The following CA10 variants were observed in gnomAD, a reference collection of about 807,000 sequenced individuals.
The protein encoded by CA10 is carbonic anhydrase-related protein 10.
In CA10, 14 loss-of-function variants were observed where a neutral mutation model predicts 44.2. That is an observed-to-expected ratio of 0.32 (90% confidence interval 0.21 to 0.50). The LOEUF (loss-of-function observed/expected upper bound fraction) is 0.50, where lower values mean the gene tolerates loss of function less well. CA10 is among the 20% of genes least tolerant of loss of function. The pLI, the probability that CA10 is intolerant of heterozygous loss-of-function variation, is 0.99. For missense variants in CA10, 350 were observed against 409.7 expected (o/e 0.85, Z 1.26); for synonymous variants, 159 against 141.6 (o/e 1.12, Z -0.87).
intron 4 of CA10, among the ~76,000 whole-genome samples, chr17:51,679,094 G>C (rs1194700337): frequency 6.6e-6 from 1 of 152,060 alleles, no homozygotes; most frequent in Non-Finnish European, 1.5e-5. Context: ...TGGGGGTGGG[G>C]GACATGGACA....
chr17:51,904,404 C>T (rs985530793), intron 3 of CA10, among the ~76,000 whole-genome samples: 2 of 152,046 alleles, frequency 1.3e-5, no homozygotes, highest in African/African-American at 4.8e-5. Context: ...AGGCCCAGCT[C>T]CTTGCCTCTT....
chr17:52,050,793 T>C (rs1468756425), intron 2 of CA10, among the ~76,000 whole-genome samples: 2 of 152,058 alleles, frequency 1.3e-5, no homozygotes, highest in South Asian at 2.1e-4. Context: ...GCCCCCCAAC[T>C]CTTATTTCCT....
At chr17:52,055,347 A>G (rs79369372) in intron 2 of CA10, among the ~76,000 whole-genome samples, 85 of 1,046 alleles carry the variant, frequency 0.081, 1 homozygote, top group Admixed American at 0.17. Context: ...CCTTCTGGTG[A>G]AAAAAAAAAA....
At chr17:51,812,926 C>T (rs1215923212) in intron 3 of CA10, among the ~76,000 whole-genome samples, 2 of 152,196 alleles carry the variant, frequency 1.3e-5, no homozygotes, top group Admixed American at 6.5e-5. Context: ...CCATTTTCAA[C>T]TAAGAGAACA....
chr17:51,978,491 G>A (rs1984538561), intron 2 of CA10, among the ~76,000 whole-genome samples: 1 of 151,418 alleles, frequency 6.6e-6, no homozygotes, highest in African/African-American at 2.4e-5. Context: ...GCTGCAACTA[G>A]ATATTCATAT....
At chr17:51,653,543 C>G in intron 5 of CA10, 98 bp downstream of exon 5, 2 of 749,658 alleles carry the variant, frequency 2.7e-6, no homozygotes, top group Non-Finnish European at 4.8e-6. Flanking sequence ...GCATGGATAG[C>G]ACCCCTTTTA....
intron 3 of CA10, among the ~76,000 whole-genome samples, chr17:51,928,604 G>A (rs169387): frequency 0.68 from 102,776 of 151,972 alleles, 35,111 homozygotes; most frequent in Non-Finnish European, 0.71. Flanking sequence ...CACAAAACAT[G>A]TAGTTACTAG....
chr17:52,004,051 C>A (rs751946268), intron 2 of CA10, among the ~76,000 whole-genome samples: 2 of 151,760 alleles, frequency 1.3e-5, no homozygotes, highest in African/African-American at 4.8e-5. Flanking sequence ...TACATTAATA[C>A]ATCAAAATAT....
chr17:52,058,041 T>C (rs1034983186), intron 2 of CA10, among the ~76,000 whole-genome samples: 2 of 152,238 alleles, frequency 1.3e-5, no homozygotes, highest in African/African-American at 4.8e-5. Context: ...GAGTACTTCA[T>C]ATTGGATGGC....
intron 3 of CA10, among the ~76,000 whole-genome samples, chr17:51,889,744 T>C (rs778152088): frequency 3.3e-5 from 5 of 152,170 alleles, no homozygotes; most frequent in Non-Finnish European, 7.3e-5. Context: ...GTAGCATCAC[T>C]TACCATTTAA....
intron 4 of CA10, among the ~76,000 whole-genome samples, chr17:51,687,515 C>T (rs1008470704): frequency 6.6e-6 from 1 of 152,070 alleles, no homozygotes; most frequent in African/African-American, 2.4e-5. Flanking sequence ...TGAATGAATT[C>T]TATCAATGAA....
intron 3 of CA10, among the ~76,000 whole-genome samples, chr17:51,914,631 T>C (rs1291960976): frequency 6.6e-6 from 1 of 152,164 alleles, no homozygotes; most frequent in African/African-American, 2.4e-5. Context: ...CCATCCCTCA[T>C]GCTCTCAAAA....
chr17:51,633,704 G>A, intron 7 of CA10, 54 bp from the exon 8 acceptor site: 10 of 1,576,020 alleles, frequency 6.3e-6, no homozygotes, highest in Non-Finnish European at 8.6e-6. Flanking sequence ...ATGCACTAGG[G>A]AAGAAATAAG....
At chr17:51,774,947 A>T (rs1290559492) in intron 3 of CA10, among the ~76,000 whole-genome samples, 1 of 151,900 alleles carries the variant, frequency 6.6e-6, no homozygotes, top group African/African-American at 2.4e-5. Context: ...AATTCACCTG[A>T]CCCTCCCAAC....
chr17:51,791,489 A>G lies in CA10; in HGVS notation c.280-43671T>C, dbSNP rs16950521. Reference sequence around the variant, plus strand: ...ATTCCCTGTGAATTCTCCCCTTGCAAGTGCTAGACTTGGTAACTGATTATA... The same window carrying G: ...ATTCCCTGTGAATTCTCCCCTTGCAGGTGCTAGACTTGGTAACTGATTATA... On this transcript the variant is annotated intron_variant, in intron 3 of 8. Coordinates refer to ENST00000451037, the MANE Select transcript of CA10 (RefSeq NM_020178.5). Among the ~76,000 whole-genome samples the G allele has an allele frequency of 8.2e-3, 1,250 of 152,296 alleles. 51 individuals are homozygous for G. The East Asian group carries it at 0.14, about 17-fold the overall frequency.
intron 2 of CA10, among the ~76,000 whole-genome samples, chr17:51,981,875 G>C (rs562785564): frequency 3.9e-5 from 6 of 152,066 alleles, no homozygotes; most frequent in African/African-American, 1.4e-4. Flanking sequence ...TCACTTAAAT[G>C]ATAAGAAGAA....
chr17:51,871,048 TAC>T (rs1355868114), intron 3 of CA10, among the ~76,000 whole-genome samples: 37 of 142,450 alleles, frequency 2.6e-4, no homozygotes, highest in African/African-American at 9.3e-4. Flanking sequence ...CTTCCCACTT[TAC>T]TTTTTTTTTT....
rs372081362 is a variant in CA10 at position 52,138,083 on chromosome 17, G to C, written c.61+19643C>G. On this transcript the variant is annotated intron_variant, in intron 1 of 8. Transcript: ENST00000451037. ...ATGAATCTTAAGGGGCTAAAATCAA[G>C]GTGTCAGCAGGCATGTGTTCTTTCT... Among the ~76,000 whole-genome samples the C allele has an allele frequency of 8.5e-5, 13 of 152,254 alleles. No homozygotes were observed. In the South Asian group the frequency reaches 2.5e-3, roughly 29 times the overall value.
At chr17:51,642,993 C>T (rs1021931776) in intron 6 of CA10, among the ~76,000 whole-genome samples, 6 of 152,110 alleles carry the variant, frequency 3.9e-5, no homozygotes, top group Non-Finnish European at 7.4e-5. Context: ...TCTTATTGGA[C>T]TAAATGAATG....
Sources: gnomAD v4.1 joint callset for allele counts (sites outside exome capture counted in the v4.1 genomes callset) on GRCh38, gnomAD v4.1.1 for gene constraint, MANE v1.5 for transcripts, NCBI Gene and HGNC (gene_info 2026-07-23, HGNC 2026-07-21) for gene names.